The following CHIC2 variants were observed in gnomAD, a reference collection of about 807,000 sequenced individuals.
The protein encoded by CHIC2 is cysteine-rich hydrophobic domain-containing protein 2.
In CHIC2, 14 loss-of-function variants were observed where a neutral mutation model predicts 25.9. That is an observed-to-expected ratio of 0.54 (90% confidence interval 0.36 to 0.85). CHIC2 has a LOEUF of 0.85. CHIC2 is among the 40% of genes least tolerant of loss of function. The probability of loss-of-function intolerance (pLI) is 0.01; values close to 1 mark genes in which losing one functional copy is unlikely to be tolerated. For missense variants in CHIC2, 146 were observed against 202.0 expected (o/e 0.72, Z 1.68); for synonymous variants, 70 against 72.0 (o/e 0.97, Z 0.14).
intron 1 of CHIC2, among the ~76,000 whole-genome samples, chr4:54,050,972 A>AT (rs1716993107): frequency 6.6e-6 from 1 of 152,122 alleles, no homozygotes; most frequent in Non-Finnish European, 1.5e-5. Flanking sequence ...TCTATTCTAA[A>AT]GAACTTTACC....
chr4:54,040,562 A>T (rs1716538832), intron 3 of CHIC2, among the ~76,000 whole-genome samples: 1 of 151,962 alleles, frequency 6.6e-6, no homozygotes, highest in Admixed American at 6.6e-5. Context: ...TTAGCTGGGC[A>T]TAGTGTCAGG....
intron 3 of CHIC2, among the ~76,000 whole-genome samples, chr4:54,047,206 A>G (rs974133727): frequency 3.9e-5 from 6 of 152,160 alleles, no homozygotes; most frequent in Non-Finnish European, 5.9e-5. Flanking sequence ...TGGTGGGACT[A>G]TAAACCAGTT....
rs71200354 is a variant in CHIC2 at position 54,040,703 on chromosome 4, C to CAAA, written c.330+8249_330+8251dup. The stretch of plus-strand genomic sequence containing the variant: ...GGGTGATAAAAGTGAAACTCTGTCT[C>CAAA]AAAAAAAAAAAAAAAAAAAAAAAAA... On this transcript the variant is annotated intron_variant, in intron 3 of 5. Transcript: ENST00000263921. Among the ~76,000 whole-genome samples the CAAA allele has an allele frequency of 7.1e-4, 42 of 59,302 alleles. 1 individual carries two copies. Among genetic ancestry groups the CAAA allele is most frequent in the African/African-American group, 1.6e-3 (24 of 14,836 alleles). The allele number at this position is 59,302 out of a possible 152,430, so 38.9% of individuals were successfully genotyped here.
intron 3 of CHIC2, among the ~76,000 whole-genome samples, chr4:54,023,867 T>A (rs1715979481): frequency 1.3e-5 from 2 of 152,142 alleles, no homozygotes. Flanking sequence ...CTGAAAGAGG[T>A]TTCCTCACCG....
intron 3 of CHIC2, among the ~76,000 whole-genome samples, chr4:54,027,488 A>C (rs1363964099): frequency 2.0e-5 from 3 of 152,228 alleles, no homozygotes; most frequent in Non-Finnish European, 4.4e-5. Context: ...TTCAAGGCCA[A>C]AGCATTCTTT....
the CHIC2 span, among the ~76,000 whole-genome samples, chr4:54,091,296 G>C: frequency 1.3e-5 from 2 of 152,154 alleles, no homozygotes; most frequent in African/African-American, 4.8e-5. Flanking sequence ...GCGGGTCTGC[G>C]CGGACAGAGG....
At chr4:54,064,635 G>C, upstream of CHIC2, 2 of 1,083,310 alleles carry the variant, frequency 1.8e-6, no homozygotes, top group Non-Finnish European at 1.1e-6. The surrounding 1 kb of genome is among the most constrained non-coding windows in gnomAD (Gnocchi z 4.2). Flanking sequence ...CCCGCAGCGG[G>C]AGCAGCCGGC....
chr4:54,077,962 A>C, the CHIC2 span, among the ~76,000 whole-genome samples: 1 of 152,234 alleles, frequency 6.6e-6, no homozygotes, highest in Non-Finnish European at 1.5e-5. Flanking sequence ...ATGTGGTTCT[A>C]TTCTGCCCTG....
At chr4:54,029,057 A>T (rs906434291) in intron 3 of CHIC2, among the ~76,000 whole-genome samples, 3 of 151,706 alleles carry the variant, frequency 2.0e-5, no homozygotes, top group African/African-American at 7.3e-5. Context: ...GGGGAGGTGG[A>T]GATTGCAGTG....
At chr4:54,076,081 G>A in the CHIC2 span, among the ~76,000 whole-genome samples, 3 of 151,996 alleles carry the variant, frequency 2.0e-5, no homozygotes, top group African/African-American at 7.3e-5. Context: ...GAGCTCAGGA[G>A]TTCAAGAACA....
chr4:54,013,145 T>C (rs1005632795), intron 5 of CHIC2, among the ~76,000 whole-genome samples: 1 of 152,112 alleles, frequency 6.6e-6, no homozygotes, highest in Admixed American at 6.6e-5. Flanking sequence ...AAAAGAGAAT[T>C]AAAATTCTTA....
the CHIC2 span, among the ~76,000 whole-genome samples, chr4:54,072,758 A>G: frequency 6.6e-6 from 1 of 152,152 alleles, no homozygotes; most frequent in South Asian, 2.1e-4. Context: ...CTTCTTCTAT[A>G]TGATGGTCCT....
intron 3 of CHIC2, among the ~76,000 whole-genome samples, chr4:54,039,313 T>C (rs1264532219): frequency 6.6e-6 from 1 of 152,184 alleles, no homozygotes; most frequent in Non-Finnish European, 1.5e-5. Flanking sequence ...ACTGCAAATA[T>C]ATATTAGCAC....
the CHIC2 span, among the ~76,000 whole-genome samples, chr4:54,089,898 C>A: frequency 3.9e-5 from 6 of 152,146 alleles, no homozygotes; most frequent in Non-Finnish European, 7.3e-5. Flanking sequence ...CATGACATCA[C>A]AAGTGGAAAA....
intron 3 of CHIC2, among the ~76,000 whole-genome samples, chr4:54,045,910 C>T (rs1716770059): frequency 6.6e-6 from 1 of 152,176 alleles, no homozygotes; most frequent in Admixed American, 6.5e-5. Context: ...CCCATCGTCT[C>T]AGCCCAAAAT....
intron 3 of CHIC2, among the ~76,000 whole-genome samples, chr4:54,017,932 A>C (rs1268982651): frequency 1.3e-5 from 2 of 152,234 alleles, no homozygotes; most frequent in Non-Finnish European, 2.9e-5. Context: ...GCTTTGTGAA[A>C]GTAAAAATTA....
chr4:54,042,306 G>A (rs1716602317), intron 3 of CHIC2, among the ~76,000 whole-genome samples: 2 of 152,100 alleles, frequency 1.3e-5, no homozygotes, highest in South Asian at 2.1e-4. Context: ...AATGCTAAAT[G>A]AAATGTACTT....
At chr4:54,082,147 T>A in the CHIC2 span, among the ~76,000 whole-genome samples, 4 of 152,240 alleles carry the variant, frequency 2.6e-5, no homozygotes, top group Admixed American at 1.3e-4. Flanking sequence ...TATATGATTT[T>A]GTGCATTGAT....
chr4:54,061,221 C>A (rs1245886918), intron 1 of CHIC2: 1 of 152,044 alleles, frequency 6.6e-6, no homozygotes, highest in Non-Finnish European at 1.5e-5. Flanking sequence ...TCTGATTATG[C>A]CTAGAGACTA....
Sources: allele counts gnomAD v4.1 joint callset (sites outside exome capture counted in the v4.1 genomes callset), GRCh38; gene constraint gnomAD v4.1.1; non-coding constraint Gnocchi (gnomAD v3.1); transcripts MANE v1.5; gene names NCBI Gene and HGNC (gene_info 2026-07-23, HGNC 2026-07-21).